SORCS2: variants seen among roughly 807,000 people sequenced by gnomAD.
The protein encoded by SORCS2 is VPS10 domain-containing receptor SorCS2.
In SORCS2, 100 loss-of-function variants were observed where a neutral mutation model predicts 141.6. The observed-to-expected ratio is 0.71, with a 90% CI of 0.60 to 0.83. The LOEUF (loss-of-function observed/expected upper bound fraction) is 0.83. Among genes scored for constraint, SORCS2 ranks in the 40% least tolerant of loss-of-function variants. SORCS2 has a pLI of 0.00. For synonymous variants in SORCS2, 789 were observed against 676.9 expected (o/e 1.17, Z -2.57); for missense variants, 1,646 against 1,560.2 (o/e 1.05, Z -0.93).
chr4:7,400,972 T>A (rs1724550336), intron 2 of SORCS2, among the ~76,000 whole-genome samples: 1 of 151,824 alleles, frequency 6.6e-6, no homozygotes, highest in Non-Finnish European at 1.5e-5. Flanking sequence ...GATGGATGGA[T>A]GAATGGATAG....
chr4:7,397,108 C>T (rs1035989458), intron 2 of SORCS2, among the ~76,000 whole-genome samples: 1 of 152,200 alleles, frequency 6.6e-6, no homozygotes, highest in Non-Finnish European at 1.5e-5. Flanking sequence ...ATATGTTTCT[C>T]AAGTAATAAT....
chr4:7,527,689 C>G (rs984041827), intron 2 of SORCS2, among the ~76,000 whole-genome samples: 1 of 151,468 alleles, frequency 6.6e-6, no homozygotes, highest in African/African-American at 2.5e-5. Flanking sequence ...TCTCACAGGC[C>G]CCCCCACCAG....
intron 1 of SORCS2, among the ~76,000 whole-genome samples, chr4:7,353,232 G>A (rs1017420094): frequency 4.6e-5 from 7 of 152,184 alleles, no homozygotes; most frequent in Non-Finnish European, 8.8e-5. Context: ...AGTAAGCACT[G>A]GCTAAGGCAA....
At chr4:7,681,689 G>T (rs1723534456) in intron 9 of SORCS2, among the ~76,000 whole-genome samples, 1 of 152,200 alleles carries the variant, frequency 6.6e-6, no homozygotes. Context: ...TCATCATCAT[G>T]GCTGCTGTTG....
At chr4:7,467,060 A>G (rs1187427937) in intron 2 of SORCS2, among the ~76,000 whole-genome samples, 2 of 152,072 alleles carry the variant, frequency 1.3e-5, no homozygotes, top group African/African-American at 4.8e-5. Context: ...ACACTGAAGC[A>G]TTGTGTGGTT....
chr4:7,691,287 C>A (rs1724233005), intron 11 of SORCS2, among the ~76,000 whole-genome samples: 1 of 152,206 alleles, frequency 6.6e-6, no homozygotes, highest in Non-Finnish European at 1.5e-5. Context: ...GTGGGCCCTC[C>A]AAGGCTGTTT....
chr4:7,517,499 G>C (rs184318209), intron 2 of SORCS2, among the ~76,000 whole-genome samples: 3 of 152,250 alleles, frequency 2.0e-5, no homozygotes, highest in East Asian at 1.9e-4. Context: ...CATTTGGACT[G>C]CCTTCAGCAG....
At chr4:7,241,425 T>A (rs116727613) in intron 1 of SORCS2, among the ~76,000 whole-genome samples, 2,826 of 152,248 alleles carry the variant, frequency 0.019, 95 homozygotes, top group African/African-American at 0.064. Flanking sequence ...CCTATAGACC[T>A]CCTTTCTCCT....
intron 2 of SORCS2, among the ~76,000 whole-genome samples, chr4:7,492,319 G>A (rs562238757): frequency 6.6e-6 from 1 of 152,298 alleles, no homozygotes; most frequent in East Asian, 1.9e-4. Flanking sequence ...CTATGAGGTC[G>A]CGCGGTATTT....
At chr4:7,454,168 TG>T (rs1728696898) in intron 2 of SORCS2, among the ~76,000 whole-genome samples, 1 of 102,396 alleles carries the variant, frequency 9.8e-6, no homozygotes, top group African/African-American at 4.0e-5. Context: ...TGCTGTGTGT[TG>T]GGGTCAGGCG....
rs558332114 is a variant in SORCS2 at position 7,296,579 on chromosome 4, C to T, written c.481-99709C>T. Among the ~76,000 whole-genome samples, 62 of 152,318 alleles carry T rather than the reference C, an allele frequency of 4.1e-4. 1 individual carries two copies. The highest frequency in any genetic ancestry group is 2.3e-3 in the South Asian group (11 of 4,832). The stretch of plus-strand genomic sequence containing the variant: ...GAGGCCACTCGCTCCTGCGAGGCAC[C>T]GATGGAGGGGTGGCTACAAGCATGG... On this transcript the variant is annotated intron_variant, in intron 1 of 26. Coordinates refer to ENST00000507866, the MANE Select transcript of SORCS2 (RefSeq NM_020777.3).
intron 1 of SORCS2, among the ~76,000 whole-genome samples, chr4:7,361,778 C>G (rs1413998588): frequency 6.6e-6 from 1 of 151,240 alleles, no homozygotes; most frequent in East Asian, 1.9e-4. Flanking sequence ...AAAAAAAAAA[C>G]ACAACGAACG....
At position 7,192,866 on chromosome 4, in the gene SORCS2, G is replaced by T. The variant is rs1291339142; in HGVS notation, c.220G>T (p.Gly74Trp). ...CCGGGTGCCGCGGAGCCCTCCCGCGGGGCGCGCGGAGCCCGGTGGCGGCGA... is the reference window on the plus strand; with the variant it reads ...CCGGGTGCCGCGGAGCCCTCCCGCGTGGCGCGCGGAGCCCGGTGGCGGCGA... ...LTRVPRSPPA[G>W]RAEPGGGEDR... The change falls in exon 1 of 27, where the codon GGG becomes TGG. Residue 74 changes from glycine (G) to tryptophan (W), a missense_variant. Coordinates refer to ENST00000507866, the MANE Select transcript of SORCS2 (RefSeq NM_020777.3). This position sits in a 1 kb window ranked among gnomAD's most constrained non-coding sequence, Gnocchi z 4.0. The T allele has an allele frequency of 4.7e-6, 5 of 1,069,576 alleles. No homozygotes were observed. The highest frequency in any genetic ancestry group is 5.6e-6 in the Non-Finnish European group (5 of 886,430). 66.3% of individuals were successfully genotyped at this position (1,069,576 alleles called of 1,614,324 possible). A position where few individuals can be genotyped will look rare whatever the true frequency, so the allele number is the denominator to read the frequency against.
rs1314551504 is a variant in SORCS2, at chr4:7,704,287, G to A, written c.1868+3G>A. The A allele has an allele frequency of 6.2e-7, 1 of 1,607,486 alleles. No homozygotes were observed. Among genetic ancestry groups the A allele is most frequent in the Non-Finnish European group, 8.5e-7 (1 of 1,177,224 alleles). On this transcript the variant is annotated splice_donor_region_variant and intron_variant, in intron 14 of 26. Coordinates refer to ENST00000507866, the MANE Select transcript of SORCS2 (RefSeq NM_020777.3). The stretch of plus-strand genomic sequence containing the variant: ...GGGGACGAGACGCTGGTCATGACGT[G>A]AGTGCGGGGACCGGGGAGTGGGCAC...
chr4:7,426,825 A>G (rs1474427068), intron 2 of SORCS2, among the ~76,000 whole-genome samples: 1 of 152,162 alleles, frequency 6.6e-6, no homozygotes, highest in Admixed American at 6.5e-5. Context: ...CCGGCAGTGA[A>G]GCCCGTGTTT....
chr4:7,436,553 C>T (rs1266560547), intron 2 of SORCS2, among the ~76,000 whole-genome samples: 1 of 152,242 alleles, frequency 6.6e-6, no homozygotes, highest in Non-Finnish European at 1.5e-5. Flanking sequence ...TCCTGACATC[C>T]CTTGAGCCTG....
intron 1 of SORCS2, among the ~76,000 whole-genome samples, chr4:7,224,542 G>C (rs1219977852): frequency 6.6e-6 from 1 of 152,236 alleles, no homozygotes; most frequent in Non-Finnish European, 1.5e-5. Context: ...ATGGCTGGGG[G>C]AGTGTATTAG....
chr4:7,477,248 T>C (rs1319743431), intron 2 of SORCS2, among the ~76,000 whole-genome samples: 1 of 126,708 alleles, frequency 7.9e-6, no homozygotes, highest in Non-Finnish European at 1.7e-5. Flanking sequence ...TTCAGAGTCA[T>C]CCTTCTGGCT....
In SORCS2 at chr4:7,704,706, G is replaced by T. The variant is rs544797771; in HGVS notation, c.1868+422G>T. ...AAAAAAGGCACCATGAGGGGCAAAG[G>T]GGCCTCAGGAGCCTCTGTCGTTCAG... On this transcript the variant is annotated intron_variant, in intron 14 of 26. Transcript: ENST00000507866. Among the ~76,000 whole-genome samples, 15 of 152,320 alleles carry T rather than the reference G, an allele frequency of 9.8e-5. No homozygotes were observed. The South Asian group carries it at 2.9e-3, about 29-fold the overall frequency.
Sources: gnomAD v4.1 joint callset for allele counts (sites outside exome capture counted in the v4.1 genomes callset) on GRCh38, gnomAD v4.1.1 for gene constraint, Gnocchi (gnomAD v3.1) non-coding constraint, MANE v1.5 for transcripts, NCBI Gene and HGNC (gene_info 2026-07-23, HGNC 2026-07-21) for gene names.